Variants in CDH13 observed in about 807,000 individuals in gnomAD.
CDH13 encodes the protein cadherin 13, also known as cadherin-13.
Under a neutral mutation model 63.8 loss-of-function variants are expected in CDH13, and 24 were observed. The ratio of observed to expected loss-of-function variants is 0.38; its 90% CI spans 0.27 to 0.53. The LOEUF (loss-of-function observed/expected upper bound fraction) is 0.53. Among genes scored for constraint, CDH13 ranks in the 20% least tolerant of loss-of-function variants. The pLI is 0.85. For synonymous variants in CDH13, 503 were observed against 355.3 expected (o/e 1.42, Z -4.67); for missense variants, 1,049 against 903.1 (o/e 1.16, Z -2.07).
chr16:83,681,958 CCTT>C (rs1166395001), intron 10 of CDH13, among the ~76,000 whole-genome samples: 24 of 152,304 alleles, frequency 1.6e-4, no homozygotes, highest in Non-Finnish European at 2.6e-4. Context: ...AAGAACTCTT[CCTT>C]CTTCTCCTCC....
intron 4 of CDH13, among the ~76,000 whole-genome samples, chr16:83,216,427 T>TATATATATATAA (rs1555513894): frequency 0.026 from 1,177 of 44,968 alleles, 206 homozygotes; most frequent in East Asian, 0.11. Context: ...TATATATATA[T>TATATATATATAA]ATATATATAT....
intron 1 of CDH13, among the ~76,000 whole-genome samples, chr16:82,787,841 A>AGTTGTGTGTGTGTGTGTGTGTGTGTGTGT (rs2036092677): frequency 6.8e-6 from 1 of 146,654 alleles, no homozygotes; most frequent in African/African-American, 2.5e-5. Context: ...GAAGGGAGGA[A>AGTTGTGTGTGTGTGTGTGTGTGTGTGTGT]GTGTGTGTGT....
intron 1 of CDH13, among the ~76,000 whole-genome samples, chr16:82,813,252 A>T (rs1401932084): frequency 6.6e-5 from 10 of 152,100 alleles, no homozygotes; most frequent in Admixed American, 6.6e-4. Context: ...TAAAAAAAAT[A>T]AGGGTGTCAT....
chr16:83,739,662 G>A (rs756924212), intron 10 of CDH13, among the ~76,000 whole-genome samples: 4 of 152,194 alleles, frequency 2.6e-5, no homozygotes, highest in Non-Finnish European at 4.4e-5. Flanking sequence ...GAGTTTGGCT[G>A]GGACAAGAGA....
At chr16:83,707,998 T>A (rs75259297) in intron 10 of CDH13, among the ~76,000 whole-genome samples, 1,650 of 152,232 alleles carry the variant, frequency 0.011, 39 homozygotes, top group African/African-American at 0.038. Flanking sequence ...GCTGCCACCA[T>A]GACCATTATT....
In CDH13 at chr16:83,179,492, A is replaced by C. The variant is rs546155115; in HGVS notation, c.484-37853A>C. Among the ~76,000 whole-genome samples, 8 of 148,350 alleles carry C rather than the reference A, an allele frequency of 5.4e-5. No individual in the cohort carries two copies. The South Asian group carries it at 1.5e-3, about 28-fold the overall frequency. ...AACCCCGTCTCTACTAAAAAAAAAAAAAAAAAAAAATTAGCCGGGCGTGGT... is the reference window on the plus strand; with the variant it reads ...AACCCCGTCTCTACTAAAAAAAAAACAAAAAAAAAATTAGCCGGGCGTGGT... On this transcript the variant is annotated intron_variant, in intron 4 of 13. Coordinates refer to ENST00000567109, the MANE Select transcript of CDH13 (RefSeq NM_001257.5).
At chr16:83,683,850 AT>A (rs1567513784) in intron 10 of CDH13, among the ~76,000 whole-genome samples, 1 of 152,178 alleles carries the variant, frequency 6.6e-6, no homozygotes, top group African/African-American at 2.4e-5. Context: ...TCATTTCTAA[AT>A]TGATGTCACA....
chr16:82,785,805 C>T (rs1229931709), intron 1 of CDH13, among the ~76,000 whole-genome samples: 1 of 152,078 alleles, frequency 6.6e-6, no homozygotes, highest in South Asian at 2.1e-4. Flanking sequence ...AAATAGCAGT[C>T]GAATATAAAA....
chr16:83,620,042 C>G (rs777736581), intron 8 of CDH13, among the ~76,000 whole-genome samples: 1 of 151,174 alleles, frequency 6.6e-6, no homozygotes, highest in Non-Finnish European at 1.5e-5. Context: ...ACCCACAAGA[C>G]GAGGAGGCTG....
intron 8 of CDH13, among the ~76,000 whole-genome samples, chr16:83,614,659 C>G (rs1453464727): frequency 6.6e-6 from 1 of 152,076 alleles, no homozygotes; most frequent in Non-Finnish European, 1.5e-5. Flanking sequence ...CCTGGTTGTT[C>G]TAGATTTGAG....
At chr16:82,872,192 C>A (rs2040365042) in intron 2 of CDH13, among the ~76,000 whole-genome samples, 1 of 152,194 alleles carries the variant, frequency 6.6e-6, no homozygotes, top group African/African-American at 2.4e-5. Flanking sequence ...TTTTAGAACC[C>A]AGCATACACA....
chr16:83,338,551 A>G (rs1000300503), intron 5 of CDH13, among the ~76,000 whole-genome samples: 17 of 152,204 alleles, frequency 1.1e-4, no homozygotes, highest in African/African-American at 3.6e-4. Context: ...TATCACACCA[A>G]TAGGTAATAA....
intron 1 of CDH13, among the ~76,000 whole-genome samples, chr16:82,779,625 A>G (rs1309415447): frequency 6.6e-6 from 1 of 152,008 alleles, no homozygotes; most frequent in East Asian, 1.9e-4. Flanking sequence ...ATTTAAACAA[A>G]CCTCATAATT....
At chr16:82,672,492 A>G (rs1913370519) in intron 1 of CDH13, among the ~76,000 whole-genome samples, 1 of 152,036 alleles carries the variant, frequency 6.6e-6, no homozygotes, top group Non-Finnish European at 1.5e-5. Flanking sequence ...CATTGATATT[A>G]ATATTCTTGA....
intron 6 of CDH13, among the ~76,000 whole-genome samples, chr16:83,405,357 A>G (rs1374870544): frequency 6.6e-6 from 1 of 152,150 alleles, no homozygotes; most frequent in Non-Finnish European, 1.5e-5. Flanking sequence ...TGAGTTAAGG[A>G]TCTTGATTTA....
chr16:83,165,447 C>T (rs1377088544), intron 4 of CDH13, among the ~76,000 whole-genome samples: 2 of 152,060 alleles, frequency 1.3e-5, no homozygotes, highest in Admixed American at 6.6e-5. Context: ...TTATGCAAAA[C>T]CTATTAACAT....
intron 2 of CDH13, among the ~76,000 whole-genome samples, chr16:82,904,493 C>T (rs796876256): frequency 1.1e-4 from 17 of 152,262 alleles, no homozygotes; most frequent in African/African-American, 3.1e-4. Context: ...CAAATTGAGA[C>T]GGGGGAAAAC....
chr16:83,092,720 G>C (rs1211350911), intron 3 of CDH13, among the ~76,000 whole-genome samples: 1 of 152,100 alleles, frequency 6.6e-6, no homozygotes, highest in African/African-American at 2.4e-5. Context: ...GGTACATCCA[G>C]GTTTTCCCAA....
intron 5 of CDH13, among the ~76,000 whole-genome samples, chr16:83,252,748 T>C (rs1013984632): frequency 1.3e-5 from 2 of 152,088 alleles, no homozygotes; most frequent in South Asian, 2.1e-4. Context: ...TGACTTCTAA[T>C]GTGTAGGAAT....
Sources: allele counts gnomAD v4.1 joint callset (sites outside exome capture counted in the v4.1 genomes callset), GRCh38; gene constraint gnomAD v4.1.1; transcripts MANE v1.5; gene names NCBI Gene and HGNC (gene_info 2026-07-23, HGNC 2026-07-21).